TBCE: variants seen among roughly 807,000 people sequenced by gnomAD.
TBCE encodes the protein tubulin-specific chaperone E.
TBCE carries 53 observed loss-of-function variants against 77.0 expected under a neutral mutation model. The ratio of observed to expected loss-of-function variants is 0.69; its 90% CI spans 0.55 to 0.87. The LOEUF is 0.87. TBCE is among the 40% of genes least tolerant of loss of function. TBCE has a pLI of 0.00. For synonymous variants in TBCE, 235 were observed against 241.3 expected (o/e 0.97, Z 0.24); for missense variants, 624 against 622.4 (o/e 1.00, Z -0.03).
chr1:235,389,294 T>C (rs1000771226), intron 2 of TBCE, among the ~76,000 whole-genome samples: 9 of 152,216 alleles, frequency 5.9e-5, no homozygotes, highest in African/African-American at 2.2e-4. Flanking sequence ...ATTGTAATTC[T>C]GCAGAGAGGG....
intron 13 of TBCE, 78 bp from the exon 14 acceptor site, chr1:235,441,736 C>CTTTG (rs199612067): frequency 2.3e-5 from 32 of 1,363,716 alleles, no homozygotes; most frequent in Admixed American, 2.1e-4. Context: ...CTTACCTATC[C>CTTTG]TTTGTTTGTT....
Position 235,448,437 on chromosome 1 carries a change from C to T in TBCE, c.1488C>T (p.Pro496=). Residue 496 remains proline (P), a synonymous_variant, in exon 16 of 17, where the codon CCC becomes CCT. Coordinates refer to ENST00000642610, the MANE Select transcript of TBCE (RefSeq NM_003193.5). ...ACCTTCTGTTGTCCTATGAAAGTCC[C>T]AAAGTAAGTTGCCCAGCAAAATACA... ...VSDLLLSYES[P]KKPGREIELE... 1.2e-6 allele frequency: 2 copies of T among 1,613,902 alleles called. No homozygotes were observed. Among genetic ancestry groups the T allele is most frequent in the Non-Finnish European group, 1.7e-6 (2 of 1,179,876 alleles).
At chr1:235,435,932 CGTG>C (rs1220685837) in intron 9 of TBCE, 92 bp downstream of exon 9, 6 of 1,107,490 alleles carry the variant, frequency 5.4e-6, no homozygotes, top group Admixed American at 3.7e-5. Context: ...TCAATAGAAA[CGTG>C]GTAACAATGA....
At position 235,442,931 on chromosome 1, in the gene TBCE, CTT is replaced by C. The variant is rs764983659; in HGVS notation, c.1399+23_1399+24del. ...TGCCGGGTAAGAAGAACCAGCCTGT[CTT>C]TTCCTTAAACTCTGAATCATCGGCC... On this transcript the variant is annotated intron_variant, in intron 15 of 16. Transcript: ENST00000642610. The C allele has an allele frequency of 1.3e-5, 21 of 1,613,632 alleles. No homozygotes were observed. Among genetic ancestry groups the C allele is most frequent in the Middle Eastern group, 3.3e-4 (2 of 6,062 alleles).
At chr1:235,446,275 A>C (rs1682278768) in intron 15 of TBCE, among the ~76,000 whole-genome samples, 1 of 152,044 alleles carries the variant, frequency 6.6e-6, no homozygotes, top group South Asian at 2.1e-4. Context: ...TTCCGGGTTC[A>C]AGCAACTCTC....
At chr1:235,412,668 G>A (rs1229095987) in intron 3 of TBCE, among the ~76,000 whole-genome samples, 1 of 152,118 alleles carries the variant, frequency 6.6e-6, no homozygotes, top group Non-Finnish European at 1.5e-5. Flanking sequence ...TTGGGGATTG[G>A]TTTTAACTTT....
intron 3 of TBCE, among the ~76,000 whole-genome samples, chr1:235,410,818 T>C (rs1316736088): frequency 6.6e-6 from 1 of 152,308 alleles, no homozygotes; most frequent in East Asian, 1.9e-4. Flanking sequence ...TGCCTAACTG[T>C]TGGGTCTCTT....
In TBCE at chr1:235,435,742, C is replaced by G; in HGVS notation, c.738-3C>G. ...CGGTGAAAAAATTTTATTTTCCATA[C>G]AGGCCAACAGATGTTCTCCAGACAG... On this transcript the variant is annotated splice_region_variant and splice_polypyrimidine_tract_variant and intron_variant, in intron 8 of 16. Coordinates refer to ENST00000642610, the MANE Select transcript of TBCE (RefSeq NM_003193.5). The G allele has an allele frequency of 6.2e-7, 1 of 1,613,242 alleles. No homozygotes were observed. Among genetic ancestry groups the G allele is most frequent in the East Asian group, 2.2e-5 (1 of 44,866 alleles).
chr1:235,394,064 A>G (rs965780596), intron 2 of TBCE, among the ~76,000 whole-genome samples: 1 of 152,108 alleles, frequency 6.6e-6, no homozygotes, highest in Non-Finnish European at 1.5e-5. Context: ...ATTTGTAACA[A>G]ATTTTATTTT....
Position 235,448,328 on chromosome 1 carries a change from ACTTTT to A in TBCE, c.1400-17_1400-13del. 7.5e-6 allele frequency: 12 copies of A among 1,609,780 alleles called. No individual in the cohort carries two copies. The highest frequency in any genetic ancestry group is 9.4e-6 in the Non-Finnish European group (11 of 1,176,250). Reference sequence around the variant, plus strand: ...AACTGTCATTTGAGAGAACGAATGGACTTTTCTTGTCTTTTGATAGGCTCCATGAC... The same window carrying A: ...AACTGTCATTTGAGAGAACGAATGGACTTGTCTTTTGATAGGCTCCATGAC... On this transcript the variant is annotated splice_polypyrimidine_tract_variant and intron_variant, in intron 15 of 16. Coordinates refer to ENST00000642610, the MANE Select transcript of TBCE (RefSeq NM_003193.5).
intron 8 of TBCE, 120 bp from the exon 9 acceptor site, chr1:235,435,625 A>G: frequency 2.2e-6 from 2 of 929,726 alleles, no homozygotes; most frequent in South Asian, 1.4e-5. Context: ...CTTTACAGTC[A>G]TATTTACTTG....
At position 235,447,527 on chromosome 1, in the gene TBCE, G is replaced by GTT. The variant is rs1413870334; in HGVS notation, c.1400-821_1400-820insTT. On this transcript the variant is annotated intron_variant, in intron 15 of 16. Transcript: ENST00000642610. ...TATGTTTAATACAGTTACACATGAT[G>GTT]TAATTACAGAATGGCGGCGCTGGAA... Among the ~76,000 whole-genome samples the GTT allele has an allele frequency of 2.1e-4, 32 of 152,294 alleles. No homozygotes were observed. The South Asian group carries it at 4.8e-3, about 23-fold the overall frequency.
rs1266194385 is a variant in TBCE, at chr1:235,392,403, T to TTTTTTTC, written c.101-9094_101-9093insCTTTTTT. On this transcript the variant is annotated intron_variant, in intron 2 of 16. Transcript: ENST00000642610. ...TATTGTCAAATTGCTGAACAGAATT[T>TTTTTTTC]TTTTTTTTTTTTTTTTTTTTTTTTT... Among the ~76,000 whole-genome samples the TTTTTTTC allele has an allele frequency of 1.1e-3, 62 of 54,992 alleles. 2 individuals carry two copies. The highest frequency in any genetic ancestry group is 0.01 in the African/African-American group (56 of 5,442). 36.1% of individuals were successfully genotyped at this position (54,992 alleles called of 152,430 possible).
At position 235,448,361 on chromosome 1, in the gene TBCE, T is replaced by C. The variant is rs775747790; in HGVS notation, c.1412T>C (p.Ile471Thr). Residue 471 changes from isoleucine (I) to threonine (T), a missense_variant, in exon 16 of 17, where the codon ATT becomes ACT. Coordinates refer to ENST00000642610, the MANE Select transcript of TBCE (RefSeq NM_003193.5). Reference sequence around the variant, plus strand: ...TGTCTTTTGATAGGCTCCATGACAATTCAAAAGGTGAAGGGATTGCTGTCA... The same window carrying C: ...TGTCTTTTGATAGGCTCCATGACAACTCAAAAGGTGAAGGGATTGCTGTCA... ...LEKQLPGSMT[I>T]QKVKGLLSRL... The C allele has an allele frequency of 6.2e-7, 1 of 1,614,104 alleles. No individual in the cohort carries two copies. Among genetic ancestry groups the C allele is most frequent in the East Asian group, 2.2e-5 (1 of 44,884 alleles).
chr1:235,428,875 C>T (rs1463717193), intron 6 of TBCE, among the ~76,000 whole-genome samples: 4 of 151,274 alleles, frequency 2.6e-5, no homozygotes, highest in African/African-American at 9.7e-5. Context: ...ATCTCTTGAC[C>T]TTGTGATCCG....
intron 13 of TBCE, among the ~76,000 whole-genome samples, chr1:235,439,939 C>T (rs921127996): frequency 6.6e-6 from 1 of 151,854 alleles, no homozygotes. Flanking sequence ...GTAGCTGGGA[C>T]TACAGGCGCA....
At chr1:235,447,823 C>T (rs772488235) in intron 15 of TBCE, among the ~76,000 whole-genome samples, 1 of 152,112 alleles carries the variant, frequency 6.6e-6, no homozygotes, top group Non-Finnish European at 1.5e-5. Context: ...CACTTAGGTC[C>T]GTTGGCTCCG....
chr1:235,423,456 C>A (rs1680521222), intron 5 of TBCE, among the ~76,000 whole-genome samples: 1 of 152,164 alleles, frequency 6.6e-6, no homozygotes, highest in African/African-American at 2.4e-5. Context: ...GACTTAAACC[C>A]TTCCTCAGCA....
chr1:235,450,435 G>A lies in TBCE; in HGVS notation c.*1673G>A, dbSNP rs1438246478. On this transcript the variant is annotated 3_prime_UTR_variant, in exon 17 of 17. Coordinates refer to ENST00000642610, the MANE Select transcript of TBCE (RefSeq NM_003193.5). ...GTAGACAGCTTTTATGTATTCTAAT[G>A]ATGCTGAAATTATTTCAAGGATAAC... 4.6e-5 allele frequency: 65 copies of A among 1,404,336 alleles called. No homozygotes were observed. In the Admixed American group the frequency reaches 1.2e-3, roughly 26 times the overall value. 87.0% of individuals were successfully genotyped at this position (1,404,336 alleles called of 1,614,324 possible).
Sources: gnomAD v4.1 joint callset for allele counts (sites outside exome capture counted in the v4.1 genomes callset) on GRCh38, gnomAD v4.1.1 for gene constraint, MANE v1.5 for transcripts, NCBI Gene and HGNC (gene_info 2026-07-23, HGNC 2026-07-21) for gene names.